SIGLEC7: variants seen among roughly 807,000 people sequenced by gnomAD.
SIGLEC7 encodes sialic acid-binding Ig-like lectin 7.
SIGLEC7 carries 33 observed loss-of-function variants against 40.8 expected under a neutral mutation model. That is an observed-to-expected ratio of 0.81 (90% CI 0.61 to 1.08). The LOEUF is 1.08. SIGLEC7 is among the 50% of genes least tolerant of loss of function. The pLI is 0.00. For missense variants in SIGLEC7, 513 were observed against 576.1 expected, an observed-to-expected ratio of 0.89 and a Z score of 1.12; for synonymous variants, 242 against 237.6, an observed-to-expected ratio of 1.02 and a Z score of -0.17.
In SIGLEC7 at chr19:51,142,912, A is replaced by G. The variant is rs1056754177; in HGVS notation, c.433+110A>G. ...GGGGGCCGGGGGTGATGGACTCAGG[A>G]GAGGAGCTGGACCAGAGCCTGAGCT... is the stretch of plus-strand genomic sequence containing the variant. On this transcript the variant is annotated intron_variant, in intron 1 of 6. Coordinates refer to ENST00000317643, the MANE Select transcript of SIGLEC7 (RefSeq NM_014385.4). The surrounding 1 kb of genome is among the most constrained non-coding windows in gnomAD (Gnocchi z 5.0). The G allele has an allele frequency of 5.7e-5, 69 of 1,212,912 alleles. No homozygotes were observed. In the African/African-American group the frequency reaches 9.3e-4, roughly 16 times the overall value. 75.1% of individuals were successfully genotyped at this position (1,212,912 alleles called of 1,614,324 possible). A position where few individuals can be genotyped will look rare whatever the true frequency, so the allele number is the denominator to read the frequency against.
At chr19:51,144,336 A>C in intron 1 of SIGLEC7, 70 bp from the exon 2 acceptor site, 1 of 1,523,718 alleles carries the variant, frequency 6.6e-7, no homozygotes, top group Non-Finnish European at 8.8e-7. Flanking sequence ...GCTGAACCAG[A>C]GCCTGAGCTT....
intron 5 of SIGLEC7, 27 bp from the exon 6 acceptor site, chr19:51,147,194 G>A (rs779319690): frequency 5.0e-6 from 8 of 1,611,086 alleles, no homozygotes; most frequent in Non-Finnish European, 6.8e-6. Context: ...TGACCACACT[G>A]AAAGGCTCTC....
intron 1 of SIGLEC7, 32 bp from the exon 2 acceptor site, chr19:51,144,374 G>C: frequency 6.3e-7 from 1 of 1,580,436 alleles, no homozygotes. Flanking sequence ...TGGATCCTCT[G>C]TCCTGATCCT....
At position 51,153,041 on chromosome 19, in the gene SIGLEC7, T is replaced by C. The variant is rs756073499; in HGVS notation, c.1222-22T>C. The C allele has an allele frequency of 2.4e-5, 37 of 1,512,922 alleles. No homozygotes were observed. In the South Asian group the frequency reaches 3.1e-4, roughly 13 times the overall value. The allele number at this position is 1,512,922 out of a possible 1,614,324, so 93.7% of individuals were successfully genotyped here. ...CCTATTTCCACTGCTCTGCTCTGAC[T>C]CTCTTCTCTCTCTCCATTCAGGGTA... On this transcript the variant is annotated intron_variant, in intron 6 of 6. Coordinates refer to ENST00000317643, the MANE Select transcript of SIGLEC7 (RefSeq NM_014385.4).
chr19:51,142,357 T>A lies in SIGLEC7; in HGVS notation c.-13T>A, dbSNP rs772770723. 2.5e-6 allele frequency: 4 copies of A among 1,610,914 alleles called. No individual in the cohort carries two copies. The highest frequency in any genetic ancestry group is 3.4e-6 in the Non-Finnish European group (4 of 1,178,122). On this transcript the variant is annotated 5_prime_UTR_variant, in exon 1 of 7. Transcript: ENST00000317643. This position sits in a 1 kb window ranked among gnomAD's most constrained non-coding sequence, Gnocchi z 5.0. ...GACGTTCCCTCGCGGCCCTGGCACC[T>A]CCAACCCCAGATATGCTGCTGCTGC... is the stretch of plus-strand genomic sequence containing the variant.
intron 5 of SIGLEC7, 175 bp downstream of exon 5, chr19:51,147,025 TGTG>T (rs2092112992): frequency 3.0e-6 from 3 of 1,006,076 alleles, no homozygotes; most frequent in Non-Finnish European, 4.4e-6. Context: ...GCTCCACATC[TGTG>T]GTGAACCTTG....
Position 51,142,580 on chromosome 19 carries a change from G to T in SIGLEC7, c.211G>T (p.Asp71Tyr), listed in dbSNP as rs1427477394. The T allele has an allele frequency of 4.3e-6, 7 of 1,614,172 alleles. No individual in the cohort carries two copies. The highest frequency in any genetic ancestry group is 5.9e-6 in the Non-Finnish European group (7 of 1,180,032). Reference sequence around the variant, plus strand: ...TGGCTACTGGTTCCGGGCAGGGAATGATATAAGCTGGAAGGCTCCAGTGGC... The same window carrying T: ...TGGCTACTGGTTCCGGGCAGGGAATTATATAAGCTGGAAGGCTCCAGTGGC... ...VHGYWFRAGN[D>Y]ISWKAPVATN... is the part of the protein sequence containing the mutation. Residue 71 changes from aspartate to tyrosine, a missense_variant, in exon 1 of 7, where the codon GAT becomes TAT. Transcript: ENST00000317643. The surrounding 1 kb of genome is among the most constrained non-coding windows in gnomAD (Gnocchi z 5.0).
intron 6 of SIGLEC7, among the ~76,000 whole-genome samples, chr19:51,151,475 T>C (rs1176718917): frequency 6.6e-6 from 1 of 152,062 alleles, no homozygotes; most frequent in Non-Finnish European, 1.5e-5. Flanking sequence ...GGGTACAGAT[T>C]TGGGAGTCAT....
At chr19:51,150,388 C>T (rs1568622978) in intron 6 of SIGLEC7, among the ~76,000 whole-genome samples, 2 of 152,332 alleles carry the variant, frequency 1.3e-5, no homozygotes, top group Admixed American at 6.5e-5. Flanking sequence ...GCCTTTTCTG[C>T]ATCTATTGAG....
At chr19:51,148,158 A>C (rs1251335404) in intron 6 of SIGLEC7, among the ~76,000 whole-genome samples, 1 of 152,208 alleles carries the variant, frequency 6.6e-6, no homozygotes, top group South Asian at 2.1e-4. Flanking sequence ...GAAGGTGCCA[A>C]AAATCTCAGT....
intron 6 of SIGLEC7, among the ~76,000 whole-genome samples, chr19:51,148,759 A>G (rs1011041791): frequency 2.0e-5 from 3 of 152,184 alleles, no homozygotes; most frequent in Non-Finnish European, 4.4e-5. Context: ...TCAGGAAATT[A>G]CCATACTGCT....
At chr19:51,146,143 G>A (rs374104581) in intron 4 of SIGLEC7, 22 bp downstream of exon 4, 20 of 1,608,234 alleles carry the variant, frequency 1.2e-5, no homozygotes, top group Non-Finnish European at 1.7e-5. Context: ...AGGGGCTGGA[G>A]GAGGAGAACA....
chr19:51,152,845 C>T (rs1423838133), intron 6 of SIGLEC7: 2 of 358,958 alleles, frequency 5.6e-6, no homozygotes, highest in African/African-American at 4.2e-5. Flanking sequence ...TTAATAAACA[C>T]CAAACAAGTT....
Position 51,142,657 on chromosome 19 carries a change from C to A in SIGLEC7, c.288C>A (p.His96Gln). 6.2e-7 allele frequency: 1 copy of A among 1,614,194 alleles called. No homozygotes were observed. The highest frequency in any genetic ancestry group is 8.5e-7 in the Non-Finnish European group (1 of 1,180,042). Reference sequence around the variant, plus strand: ...AGGAGGAAACTCGGGACCGATTCCACCTCCTTGGGGACCCACAGACCAAAA... The same window carrying A: ...AGGAGGAAACTCGGGACCGATTCCAACTCCTTGGGGACCCACAGACCAAAA... ...AVQEETRDRF[H>Q]LLGDPQTKNC... The change falls in exon 1 of 7, where the codon CAC becomes CAA. Residue 96 changes from histidine (H) to glutamine (Q), a missense_variant. Transcript: ENST00000317643. This position sits in a 1 kb window ranked among gnomAD's most constrained non-coding sequence, Gnocchi z 5.0.
intron 6 of SIGLEC7, among the ~76,000 whole-genome samples, chr19:51,148,849 T>C (rs1018717916): frequency 2.0e-5 from 3 of 152,230 alleles, no homozygotes; most frequent in African/African-American, 7.2e-5. Context: ...CCAGCCTCTG[T>C]GATTTTTTTT....
rs2092100406 is a variant in SIGLEC7, at chr19:51,145,354, G to A, written c.760+395G>A. Among the ~76,000 whole-genome samples the A allele has an allele frequency of 6.6e-6, 1 of 152,168 alleles. No individual in the cohort carries two copies. The highest frequency in any genetic ancestry group is 1.5e-5 in the Non-Finnish European group (1 of 68,042). On this transcript the variant is annotated intron_variant, in intron 3 of 6. Transcript: ENST00000317643. The surrounding 1 kb of genome is among the most constrained non-coding windows in gnomAD (Gnocchi z 4.3). The stretch of plus-strand genomic sequence containing the variant: ...AAATTTTAAATTCACAGTAAAATGT[G>A]TCCCCAGAATCAACCAGGGTCTGTC...
chr19:51,149,553 T>G (rs1320035689), intron 6 of SIGLEC7, among the ~76,000 whole-genome samples: 1 of 152,236 alleles, frequency 6.6e-6, no homozygotes, highest in South Asian at 2.1e-4. Context: ...TTGGTTACTG[T>G]AGACTTGTAA....
At chr19:51,146,697 G>A (rs1253611565) in intron 4 of SIGLEC7, 57 bp from the exon 5 acceptor site, 3 of 1,488,428 alleles carry the variant, frequency 2.0e-6, no homozygotes, top group Admixed American at 1.7e-5. Flanking sequence ...GAAGTGGGAG[G>A]AGAAGAGACC....
intron 5 of SIGLEC7, 23 bp downstream of exon 5, chr19:51,146,873 G>A (rs369301231): frequency 3.1e-6 from 5 of 1,605,230 alleles, no homozygotes; most frequent in African/African-American, 2.7e-5. Flanking sequence ...CCTAGGGAGG[G>A]AGGGAGAGTC....
Sources: gnomAD v4.1 joint callset for allele counts (sites outside exome capture counted in the v4.1 genomes callset) on GRCh38, gnomAD v4.1.1 for gene constraint, Gnocchi (gnomAD v3.1) non-coding constraint, MANE v1.5 for transcripts, NCBI Gene and HGNC (gene_info 2026-07-23, HGNC 2026-07-21) for gene names.